Variants in CDKL3 observed in about 807,000 individuals in gnomAD.
The protein encoded by CDKL3 is cyclin-dependent kinase-like 3.
In CDKL3, 65 loss-of-function variants were observed where a neutral mutation model predicts 69.3. That is an observed-to-expected ratio of 0.94 (90% CI 0.77 to 1.15). The LOEUF is 1.15. CDKL3 is among the 50% of genes most tolerant of loss of function. CDKL3 has a pLI of 0.00. For synonymous variants in CDKL3, 202 were observed against 221.6 expected, an observed-to-expected ratio of 0.91 and a Z score of 0.79; for missense variants, 652 against 689.2, an observed-to-expected ratio of 0.95 and a Z score of 0.61.
chr5:134,331,722 T>C (rs1775856983), intron 4 of CDKL3, among the ~76,000 whole-genome samples: 1 of 152,230 alleles, frequency 6.6e-6, no homozygotes, highest in Non-Finnish European at 1.5e-5. Flanking sequence ...TTTGGGTTGG[T>C]TCCAAGTCTT....
At chr5:134,370,218 T>A (rs1438359594), upstream of CDKL3, among the ~76,000 whole-genome samples, 2 of 152,206 alleles carry the variant, frequency 1.3e-5, no homozygotes, top group Non-Finnish European at 2.9e-5. Flanking sequence ...GTTCCCCAAA[T>A]GGATACAAAA....
At chr5:134,351,062 A>G (rs1218049383) in intron 3 of CDKL3, among the ~76,000 whole-genome samples, 1 of 152,094 alleles carries the variant, frequency 6.6e-6, no homozygotes, top group Non-Finnish European at 1.5e-5. Flanking sequence ...CTCTAGCCAA[A>G]GCCATCTACA....
At chr5:134,366,008 TCTC>T (rs1311015972) in intron 2 of CDKL3, among the ~76,000 whole-genome samples, 2 of 152,230 alleles carry the variant, frequency 1.3e-5, no homozygotes, top group Non-Finnish European at 2.9e-5. Context: ...TTTCATATAC[TCTC>T]CTTTCTGATT....
Position 134,340,894 on chromosome 5 carries a change from G to T in CDKL3, c.539+9355C>A, listed in dbSNP as rs542525183. Among the ~76,000 whole-genome samples the T allele has an allele frequency of 3.3e-5, 5 of 152,010 alleles. No individual in the cohort carries two copies. In the East Asian group the frequency reaches 9.7e-4, roughly 29 times the overall value. ...CCCTGATACCCAAACCAGTAAAAAAGAAAACTACAAATATCTTTTATGAAT... is the reference window on the plus strand; with the variant it reads ...CCCTGATACCCAAACCAGTAAAAAATAAAACTACAAATATCTTTTATGAAT... On this transcript the variant is annotated intron_variant, in intron 4 of 12. Coordinates refer to ENST00000265334, the MANE Select transcript of CDKL3 (RefSeq NM_001113575.2).
At chr5:134,325,336 GTATA>G (rs1773868815) in intron 4 of CDKL3, among the ~76,000 whole-genome samples, 1 of 152,034 alleles carries the variant, frequency 6.6e-6, no homozygotes, top group Non-Finnish European at 1.5e-5. Flanking sequence ...ATTAATTATA[GTATA>G]TACAGTTTTT....
intron 3 of CDKL3, among the ~76,000 whole-genome samples, chr5:134,356,992 C>T (rs1413921793): frequency 6.6e-6 from 1 of 151,430 alleles, no homozygotes; most frequent in African/African-American, 2.4e-5. Flanking sequence ...ATCGTTTGTG[C>T]CACGAAACTT....
At chr5:134,327,430 T>TG (rs1307924730) in intron 4 of CDKL3, among the ~76,000 whole-genome samples, 1 of 152,282 alleles carries the variant, frequency 6.6e-6, no homozygotes, top group African/African-American at 2.4e-5. Flanking sequence ...AGATTTTGCC[T>TG]GGGGGAAGAA....
At chr5:134,321,189 T>C (rs957954469) in intron 5 of CDKL3, among the ~76,000 whole-genome samples, 4 of 151,714 alleles carry the variant, frequency 2.6e-5, no homozygotes, top group African/African-American at 9.7e-5. Context: ...TTTTTGTATT[T>C]TTAGTAGAGA....
At chr5:134,309,230 G>A (rs111630320) in intron 7 of CDKL3, among the ~76,000 whole-genome samples, 1 of 152,112 alleles carries the variant, frequency 6.6e-6, no homozygotes, top group African/African-American at 2.4e-5. Flanking sequence ...TTACAGGCAT[G>A]TGCCACCACA....
chr5:134,320,769 G>C (rs540711568), intron 5 of CDKL3, among the ~76,000 whole-genome samples: 50 of 151,426 alleles, frequency 3.3e-4, no homozygotes, highest in African/African-American at 1.2e-3. Context: ...AGCTACTCGG[G>C]AGGCTGAGGC....
At chr5:134,359,792 G>A (rs1755565043) in intron 3 of CDKL3, 105 bp downstream of exon 3, 1 of 796,534 alleles carries the variant, frequency 1.3e-6, no homozygotes, top group South Asian at 1.8e-5. Context: ...TATTATTATT[G>A]TATAGAAAAA....
At position 134,366,392 on chromosome 5, in the gene CDKL3, G is replaced by T; in HGVS notation, c.132C>A (p.Asn44Lys). ...IFYERPEQSV[N>K]KIAMREIKFL... is the part of the protein sequence containing the mutation. ...ACTTTATTTCTCTCATCGCAATTTT[G>T]TTGACAGATTGTTCTGGTCTCTCAT... Residue 44 changes from asparagine to lysine, a missense_variant, in exon 2 of 13, where the codon AAC (asparagine) becomes AAA (lysine). Coordinates refer to ENST00000265334, the MANE Select transcript of CDKL3 (RefSeq NM_001113575.2). 1 of 1,587,004 alleles carries T rather than the reference G, an allele frequency of 6.3e-7. No homozygotes were observed.
chr5:134,363,202 T>C (rs748027273), intron 2 of CDKL3, among the ~76,000 whole-genome samples: 2 of 152,226 alleles, frequency 1.3e-5, no homozygotes, highest in African/African-American at 2.4e-5. Flanking sequence ...TATAGTATTA[T>C]GTTTTAGGTC....
At chr5:134,322,036 T>A in intron 4 of CDKL3, 133 bp from the exon 5 acceptor site, 1 of 628,318 alleles carries the variant, frequency 1.6e-6, no homozygotes, top group Non-Finnish European at 2.8e-6. Context: ...TTGTTTTTTT[T>A]CGAGACCGAG....
chr5:134,348,645 A>G (rs565994697), intron 4 of CDKL3, among the ~76,000 whole-genome samples: 38 of 152,302 alleles, frequency 2.5e-4, no homozygotes, highest in Middle Eastern at 3.4e-3. Context: ...ATTTACAGAT[A>G]ATGTACTAAA....
chr5:134,312,266 A>G, intron 7 of CDKL3, 26 bp downstream of exon 7: 1 of 1,388,382 alleles, frequency 7.2e-7, no homozygotes. Flanking sequence ...GCTTTTAAAA[A>G]ACCCACATTC....
intron 4 of CDKL3, among the ~76,000 whole-genome samples, chr5:134,341,620 G>A (rs569813296): frequency 6.6e-6 from 1 of 152,350 alleles, no homozygotes; most frequent in African/African-American, 2.4e-5. Context: ...CTGTAAAATT[G>A]TGCTGCAGAC....
chr5:134,325,813 G>C (rs754848191), intron 4 of CDKL3, among the ~76,000 whole-genome samples: 1 of 151,782 alleles, frequency 6.6e-6, no homozygotes, highest in East Asian at 1.9e-4. Flanking sequence ...GCCCAGGCTG[G>C]AGTGCAGTGG....
At chr5:134,338,313 T>C (rs544349307) in intron 4 of CDKL3, among the ~76,000 whole-genome samples, 1 of 152,188 alleles carries the variant, frequency 6.6e-6, no homozygotes, top group Admixed American at 6.5e-5. Context: ...TAAACTAGTA[T>C]AAATAGGAAC....
Sources: gnomAD v4.1 joint callset for allele counts (sites outside exome capture counted in the v4.1 genomes callset) on GRCh38, gnomAD v4.1.1 for gene constraint, MANE v1.5 for transcripts, NCBI Gene and HGNC (gene_info 2026-07-23, HGNC 2026-07-21) for gene names.